Variants in ZNF585B observed in about 807,000 individuals in gnomAD.
ZNF585B encodes the protein zinc finger protein 585B, also known as zinc finger protein 41-like protein.
In ZNF585B, 7 loss-of-function variants were observed where a neutral mutation model predicts 14.0. The observed-to-expected ratio is 0.50, with a 90% CI of 0.28 to 0.94. The LOEUF (loss-of-function observed/expected upper bound fraction) is 0.94, where lower values mean the gene tolerates loss of function less well. Ranked by LOEUF, ZNF585B falls within the 40% of genes least tolerant of loss-of-function variation. The pLI is 0.09. For missense variants in ZNF585B, 750 were observed against 924.4 expected (o/e 0.81, Z 2.45); for synonymous variants, 290 against 317.3 (o/e 0.91, Z 0.91).
intron 2 of ZNF585B, among the ~76,000 whole-genome samples, chr19:37,196,260 G>A (rs1444912840): frequency 1.3e-5 from 2 of 152,176 alleles, no homozygotes; most frequent in South Asian, 2.1e-4. Context: ...AAAAAGAATC[G>A]TGTACTACAA....
In ZNF585B at chr19:37,198,888, T is replaced by C. The variant is rs562357462; in HGVS notation, c.72+8152A>G. On this transcript the variant is annotated intron_variant, in intron 2 of 4. Transcript: ENST00000532828. ...CAGATGGAAGTGGAAAGAAAAGTAC[T>C]AAAGATATTTATAATTTTTAATATG... 131 of 1,109,350 alleles carry C rather than the reference T, an allele frequency of 1.2e-4. 1 individual carries two copies. The South Asian group carries it at 2.1e-3, about 18-fold the overall frequency. 68.7% of individuals were successfully genotyped at this position (1,109,350 alleles called of 1,614,324 possible).
chr19:37,201,957 A>G (rs1308150915), intron 2 of ZNF585B, among the ~76,000 whole-genome samples: 1 of 152,178 alleles, frequency 6.6e-6, no homozygotes, highest in African/African-American at 2.4e-5. Flanking sequence ...CTGCTGAATG[A>G]GAAAACAGTG....
At chr19:37,193,714 A>G (rs1972429891) in intron 2 of ZNF585B, among the ~76,000 whole-genome samples, 1 of 152,110 alleles carries the variant, frequency 6.6e-6, no homozygotes, top group African/African-American at 2.4e-5. Context: ...CGGGAGGTCG[A>G]AGCTCCAGTG....
Position 37,182,773 on chromosome 19 carries a change from T to C in ZNF585B, c.*2454A>G, listed in dbSNP as rs1251760393. 4 of 152,312 alleles carry C rather than the reference T, an allele frequency of 2.6e-5. No homozygotes were observed. The highest frequency in any genetic ancestry group is 4.8e-5 in the African/African-American group (2 of 41,440). The allele number at this position is 152,312 out of a possible 1,614,324, so 9.4% of individuals were successfully genotyped here. A position where few individuals can be genotyped will look rare whatever the true frequency, so the allele number is the denominator to read the frequency against. ...ACTGCCCTTCTTAAAGGTGAAACCA[T>C]CTTTGCAGAGCCCAAATAGTTCCCA... is the stretch of plus-strand genomic sequence containing the variant. On this transcript the variant is annotated 3_prime_UTR_variant, in exon 5 of 5. Transcript: ENST00000532828.
intron 2 of ZNF585B, among the ~76,000 whole-genome samples, chr19:37,198,032 A>T (rs1418264456): frequency 2.0e-5 from 3 of 151,356 alleles, no homozygotes; most frequent in Non-Finnish European, 4.4e-5. Flanking sequence ...CTGAGGAAAT[A>T]AAAAAAAATG....
chr19:37,203,815 A>G (rs1413599055), intron 2 of ZNF585B, among the ~76,000 whole-genome samples: 1 of 152,072 alleles, frequency 6.6e-6, no homozygotes, highest in East Asian at 1.9e-4. Flanking sequence ...TTTGGTGGAG[A>G]CAGGGTTTCA....
chr19:37,193,460 G>C (rs1363425672), intron 2 of ZNF585B, among the ~76,000 whole-genome samples: 1 of 147,812 alleles, frequency 6.8e-6, no homozygotes, highest in Non-Finnish European at 1.5e-5. Flanking sequence ...GACAGAGCAG[G>C]CCTCTGTCTC....
At chr19:37,189,079 A>C (rs1012160140) in intron 4 of ZNF585B, among the ~76,000 whole-genome samples, 1 of 152,062 alleles carries the variant, frequency 6.6e-6, no homozygotes, top group Non-Finnish European at 1.5e-5. Context: ...CTGGGATTAC[A>C]GGCATGCACC....
chr19:37,204,631 G>C (rs1356104762), intron 2 of ZNF585B, among the ~76,000 whole-genome samples: 1 of 152,178 alleles, frequency 6.6e-6, no homozygotes, highest in African/African-American at 2.4e-5. Flanking sequence ...CTGGAGTGCA[G>C]TGGCATGCTC....
chr19:37,201,033 A>G (rs943459321), intron 2 of ZNF585B, among the ~76,000 whole-genome samples: 2 of 151,274 alleles, frequency 1.3e-5, no homozygotes, highest in African/African-American at 2.4e-5. Flanking sequence ...AGAGACTACC[A>G]TAAGGCAAGA....
rs1304438351 is a variant in ZNF585B, at chr19:37,189,450, C to T, written c.292+211G>A. On this transcript the variant is annotated intron_variant, in intron 4 of 4. Coordinates refer to ENST00000532828, the MANE Select transcript of ZNF585B (RefSeq NM_152279.4). ...TAATAAAGATTTATCTTTAATGAGG[C>T]TGACTGGCACATGACTTATAATCAA... is the stretch of plus-strand genomic sequence containing the variant. 7 of 558,604 alleles carry T rather than the reference C, an allele frequency of 1.3e-5. No homozygotes were observed. In the Admixed American group the frequency reaches 2.2e-4, roughly 17 times the overall value. The allele number at this position is 558,604 out of a possible 1,614,324, so 34.6% of individuals were successfully genotyped here.
intron 2 of ZNF585B, among the ~76,000 whole-genome samples, chr19:37,191,435 T>G (rs990353084): frequency 5.3e-5 from 8 of 151,710 alleles, no homozygotes; most frequent in African/African-American, 1.7e-4. Context: ...CTGGCCAACA[T>G]GGTGAAATGC....
chr19:37,206,027 C>T (rs1034224275), intron 2 of ZNF585B, among the ~76,000 whole-genome samples: 7 of 151,862 alleles, frequency 4.6e-5, no homozygotes, highest in African/African-American at 7.3e-5. Context: ...TTGCAGTGAG[C>T]GGAGATCATG....
chr19:37,197,304 A>G (rs1206020416), intron 2 of ZNF585B, among the ~76,000 whole-genome samples: 1 of 152,218 alleles, frequency 6.6e-6, no homozygotes, highest in East Asian at 1.9e-4. Flanking sequence ...TACAAAGGAC[A>G]TGAAATCATC....
chr19:37,200,031 G>A (rs948308156), intron 2 of ZNF585B, among the ~76,000 whole-genome samples: 1 of 149,630 alleles, frequency 6.7e-6, no homozygotes, highest in Admixed American at 6.7e-5. Context: ...CAACAAGAGC[G>A]AAACTCCGTC....
rs188320719 is a variant in ZNF585B, at chr19:37,208,966, T to C, written c.-144+1475A>G. Among the ~76,000 whole-genome samples, 1,032 of 151,462 alleles carry C rather than the reference T, an allele frequency of 6.8e-3. 16 individuals are homozygous for C. Among genetic ancestry groups the C allele is most frequent in the African/African-American group, 0.024 (991 of 41,326 alleles). On this transcript the variant is annotated intron_variant, in intron 1 of 4. Coordinates refer to ENST00000532828, the MANE Select transcript of ZNF585B (RefSeq NM_152279.4). ...GAGATCACGGCATTGCACTCCAGCC[T>C]GGGCGACAGAGCAAGACTCTGTCTC...
rs191020854 is a variant in ZNF585B at position 37,194,219 on chromosome 19, G to A, written c.73-4069C>T. 7.5e-3 allele frequency among the ~76,000 whole-genome samples: 1,145 copies of A among 152,092 alleles called. 11 individuals are homozygous for A. The highest frequency in any genetic ancestry group is 0.014 in the Middle Eastern group (4 of 294). On this transcript the variant is annotated intron_variant, in intron 2 of 4. Transcript: ENST00000532828. ...CTTTTGTATATATTTAAATTTTTTC[G>A]TAATAACATGTTTTTGAAAAATATG... is the stretch of plus-strand genomic sequence containing the variant.
chr19:37,188,149 A>G (rs1315800450), intron 4 of ZNF585B, among the ~76,000 whole-genome samples: 3 of 152,212 alleles, frequency 2.0e-5, no homozygotes, highest in Non-Finnish European at 4.4e-5. Context: ...GACAATGATT[A>G]AACTCAAACC....
intron 2 of ZNF585B, among the ~76,000 whole-genome samples, chr19:37,191,345 C>T (rs1280499713): frequency 3.9e-5 from 6 of 152,204 alleles, no homozygotes; most frequent in African/African-American, 1.2e-4. Context: ...GGGCCGGACA[C>T]GGTGGCTCAT....
Sources: gnomAD v4.1 joint callset for allele counts (sites outside exome capture counted in the v4.1 genomes callset) on GRCh38, gnomAD v4.1.1 for gene constraint, MANE v1.5 for transcripts, NCBI Gene and HGNC (gene_info 2026-07-23, HGNC 2026-07-21) for gene names.